The following CRPPA variants were observed in gnomAD, a reference collection of about 807,000 sequenced individuals.
The protein encoded by CRPPA is D-ribitol-5-phosphate cytidylyltransferase.
In CRPPA, 43 loss-of-function variants were observed where a neutral mutation model predicts 52.0. The observed-to-expected ratio is 0.83, with a 90% confidence interval of 0.65 to 1.07. CRPPA has a LOEUF of 1.07. CRPPA is among the 50% of genes least tolerant of loss of function. The probability of loss-of-function intolerance (pLI) is 0.00; values close to 1 mark genes in which losing one functional copy is unlikely to be tolerated. For missense variants in CRPPA, 629 were observed against 551.7 expected, an observed-to-expected ratio of 1.14 and a Z score of -1.40; for synonymous variants, 250 against 203.5, an observed-to-expected ratio of 1.23 and a Z score of -1.94.
intron 3 of CRPPA, among the ~76,000 whole-genome samples, chr7:16,375,728 G>T (rs1039500638): frequency 6.6e-6 from 1 of 152,152 alleles, no homozygotes; most frequent in African/African-American, 2.4e-5. Flanking sequence ...TATGTGCCAA[G>T]CAGAGGATAT....
chr7:16,250,896 G>A (rs1025127765), intron 8 of CRPPA, among the ~76,000 whole-genome samples: 5 of 152,024 alleles, frequency 3.3e-5, no homozygotes, highest in African/African-American at 1.2e-4. Flanking sequence ...AAATGTAAAT[G>A]GAATAAATGT....
chr7:16,259,759 T>A (rs894143875), intron 6 of CRPPA, among the ~76,000 whole-genome samples: 1 of 151,996 alleles, frequency 6.6e-6, no homozygotes, highest in African/African-American at 2.4e-5. Context: ...TTTCAGTGAT[T>A]CTTACTGGTA....
rs572149669 is a variant in CRPPA, at chr7:16,388,015, C to G, written c.535-11774G>C. Among the ~76,000 whole-genome samples the G allele has an allele frequency of 2.6e-5, 4 of 152,278 alleles. 1 individual carries two copies. The South Asian group carries it at 8.3e-4, about 32-fold the overall frequency. The stretch of plus-strand genomic sequence containing the variant: ...CTTTGTTGGGGGAGGCAAGGTCTTG[C>G]TCTGTCCCCCCAGGCTGGAGTCCGG... On this transcript the variant is annotated intron_variant, in intron 2 of 9. Transcript: ENST00000407010.
At chr7:16,216,886 G>C (rs1184669495) in intron 8 of CRPPA, among the ~76,000 whole-genome samples, 2 of 152,072 alleles carry the variant, frequency 1.3e-5, no homozygotes, top group African/African-American at 2.4e-5. Context: ...CATTGCCCAG[G>C]CTTGCTTAGG....
intron 9 of CRPPA, among the ~76,000 whole-genome samples, chr7:16,143,231 C>T (rs567805896): frequency 6.6e-6 from 1 of 152,210 alleles, no homozygotes; most frequent in South Asian, 2.1e-4. Flanking sequence ...GGGAGTGAAG[C>T]AGTTGAGAGT....
chr7:16,263,641 T>C (rs1050226617), intron 6 of CRPPA, among the ~76,000 whole-genome samples: 7 of 151,984 alleles, frequency 4.6e-5, no homozygotes, highest in African/African-American at 1.5e-4. Flanking sequence ...TAATCCCAGC[T>C]ACTTGAGAGG....
chr7:16,144,466 C>A (rs1227162849), intron 9 of CRPPA, among the ~76,000 whole-genome samples: 1 of 152,152 alleles, frequency 6.6e-6, no homozygotes, highest in African/African-American at 2.4e-5. Context: ...GGGAAAGATG[C>A]AAGCCTTCTT....
chr7:16,116,908 G>T (rs1583367596), intron 9 of CRPPA, among the ~76,000 whole-genome samples: 1 of 152,118 alleles, frequency 6.6e-6, no homozygotes, highest in East Asian at 1.9e-4. Flanking sequence ...CTCCGCCCAG[G>T]TACCATACAA....
intron 9 of CRPPA, among the ~76,000 whole-genome samples, chr7:16,098,921 T>C (rs1196974163): frequency 5.9e-5 from 9 of 152,340 alleles, no homozygotes; most frequent in African/African-American, 2.2e-4. Context: ...CTGTGAGTGA[T>C]AACAAATGCC....
intron 3 of CRPPA, among the ~76,000 whole-genome samples, chr7:16,331,469 T>C (rs1383749659): frequency 2.0e-5 from 3 of 152,032 alleles, no homozygotes; most frequent in African/African-American, 7.2e-5. Context: ...ACAAGGCATA[T>C]TAGAAGGCCA....
At position 16,327,363 on chromosome 7, in the gene CRPPA, C is replaced by A. The variant is rs558032487; in HGVS notation, c.685-18736G>T. Among the ~76,000 whole-genome samples the A allele has an allele frequency of 3.9e-5, 6 of 152,028 alleles. No homozygotes were observed. In the East Asian group the frequency reaches 1.2e-3, roughly 30 times the overall value. Reference sequence around the variant, plus strand: ...ATCCCAGCACTTTGGGAGGCCGAGGCGGGTGGATCATGAGGTCAGGAGATC... The same window carrying A: ...ATCCCAGCACTTTGGGAGGCCGAGGAGGGTGGATCATGAGGTCAGGAGATC... On this transcript the variant is annotated intron_variant, in intron 3 of 9. Transcript: ENST00000407010.
chr7:16,302,147 T>A (rs1249015986), intron 4 of CRPPA, among the ~76,000 whole-genome samples: 2 of 151,898 alleles, frequency 1.3e-5, no homozygotes, highest in African/African-American at 4.8e-5. Context: ...ATACAAAAAA[T>A]TAGCCAGGCG....
intron 5 of CRPPA, among the ~76,000 whole-genome samples, chr7:16,292,648 C>A (rs1562612704): frequency 6.6e-6 from 1 of 151,966 alleles, no homozygotes; most frequent in Non-Finnish European, 1.5e-5. Flanking sequence ...CAGGGTTCAA[C>A]TCCCTGATTA....
intron 2 of CRPPA, among the ~76,000 whole-genome samples, chr7:16,390,272 A>G (rs952906245): frequency 3.3e-5 from 5 of 152,022 alleles, no homozygotes; most frequent in African/African-American, 1.2e-4. Flanking sequence ...CATTAAATCA[A>G]TTCTTTCGAT....
intron 3 of CRPPA, among the ~76,000 whole-genome samples, chr7:16,371,836 A>C (rs975101065): frequency 1.3e-5 from 2 of 152,106 alleles, no homozygotes; most frequent in African/African-American, 4.8e-5. Flanking sequence ...AATGAAAAAA[A>C]TTCCAGAGAA....
intron 5 of CRPPA, among the ~76,000 whole-genome samples, chr7:16,280,047 C>G (rs1382352819): frequency 1.3e-5 from 2 of 152,166 alleles, no homozygotes; most frequent in Non-Finnish European, 2.9e-5. Flanking sequence ...TTAAAACTAT[C>G]AGATCTCATG....
intron 9 of CRPPA, among the ~76,000 whole-genome samples, chr7:16,165,965 C>T (rs1781056415): frequency 6.6e-6 from 1 of 152,192 alleles, no homozygotes; most frequent in East Asian, 1.9e-4. Context: ...GCTCCAAAAG[C>T]CTACATTAAG....
At chr7:16,328,254 G>A (rs1388767589) in intron 3 of CRPPA, among the ~76,000 whole-genome samples, 2 of 151,962 alleles carry the variant, frequency 1.3e-5, no homozygotes, top group African/African-American at 4.8e-5. Flanking sequence ...AAAAAGTCGA[G>A]AATCTTGCCT....
At chr7:16,408,276 C>G (rs1788002422) in intron 1 of CRPPA, among the ~76,000 whole-genome samples, 1 of 152,132 alleles carries the variant, frequency 6.6e-6, no homozygotes, top group Admixed American at 6.5e-5. Context: ...AGTAGCTAAA[C>G]AGTCTGGAGG....
Sources: allele counts gnomAD v4.1 joint callset (sites outside exome capture counted in the v4.1 genomes callset), GRCh38; gene constraint gnomAD v4.1.1; transcripts MANE v1.5; gene names NCBI Gene and HGNC (gene_info 2026-07-23, HGNC 2026-07-21).